Variants in CAPRIN2 observed in about 807,000 individuals in gnomAD.
The protein encoded by CAPRIN2 is caprin family member 2.
A neutral mutation model predicts 130.4 loss-of-function variants in CAPRIN2; 66 were observed. The observed-to-expected ratio is 0.51, with a 90% CI of 0.42 to 0.62. CAPRIN2 has a LOEUF of 0.62. CAPRIN2 is among the 20% of genes least tolerant of loss of function. The pLI is 0.00. For missense variants in CAPRIN2, 1,185 were observed against 1,246.6 expected (o/e 0.95, Z 0.74); for synonymous variants, 471 against 444.1 (o/e 1.06, Z -0.76).
exon 2 of CAPRIN2, chr12:30,751,105 A>G: frequency 1.2e-6 from 2 of 1,613,940 alleles, no homozygotes; most frequent in East Asian, 4.5e-5. Context: ...TCCACTTTTC[A>G]GGCGATCCTT....
rs373918121 is a variant in CAPRIN2 at position 30,746,962 on chromosome 12, A to AT, written c.483+4108dup. On this transcript the variant is annotated intron_variant, in intron 2 of 16. Coordinates refer to ENST00000298892, the Ensembl canonical transcript of CAPRIN2. ...GAAGAAAGTGCCATCTAGGACTTCC[A>AT]TAACTAGAGATGAGAAGTCAATGCC... 1.9e-3 allele frequency among the ~76,000 whole-genome samples: 296 copies of AT among 152,340 alleles called. 1 individual carries two copies. The highest frequency in any genetic ancestry group is 6.7e-3 in the African/African-American group (279 of 41,566).
chr12:30,714,963 A>G (rs2056943882), exon 14 of CAPRIN2: 1 of 1,612,916 alleles, frequency 6.2e-7, no homozygotes, highest in African/African-American at 1.3e-5. Flanking sequence ...GCATACCTTT[A>G]TAACCACCAG....
At chr12:30,749,001 G>A (rs576283570) in intron 2 of CAPRIN2, among the ~76,000 whole-genome samples, 2 of 152,270 alleles carry the variant, frequency 1.3e-5, no homozygotes, top group Admixed American at 6.5e-5. Context: ...GCAAGGAAAG[G>A]AGCTAAGCAG....
intron 6 of CAPRIN2, 46 bp downstream of exon 7, chr12:30,731,297 T>C (rs771812682): frequency 1.3e-6 from 2 of 1,526,204 alleles, no homozygotes; most frequent in Admixed American, 1.8e-5. Flanking sequence ...ATTTGGGGTA[T>C]TAAAAAATGC....
chr12:30,734,900 AT>A, intron 4 of CAPRIN2, 67 bp downstream of exon 5: 3 of 978,076 alleles, frequency 3.1e-6, no homozygotes, highest in Non-Finnish European at 4.9e-6. Flanking sequence ...TCTCTCTCAC[AT>A]ACACACACCC....
chr12:30,750,955 A>C, intron 2 of CAPRIN2, 116 bp downstream of exon 3: 1 of 781,244 alleles, frequency 1.3e-6, no homozygotes, highest in African/African-American at 1.7e-5. Context: ...TTTTGAACAA[A>C]CTATGGATTT....
intron 15 of CAPRIN2, 121 bp from the exon 18 acceptor site, chr12:30,711,750 C>G (rs2054774163): frequency 1.3e-6 from 1 of 791,886 alleles, no homozygotes; most frequent in Admixed American, 1.9e-5. Context: ...TGGCCTTCCC[C>G]AGCAACCAAA....
At chr12:30,736,488 T>C (rs1221450318) in intron 3 of CAPRIN2, among the ~76,000 whole-genome samples, 1 of 152,076 alleles carries the variant, frequency 6.6e-6, no homozygotes, top group Non-Finnish European at 1.5e-5. Flanking sequence ...AAAGAGATGT[T>C]CGTAAATCCT....
In CAPRIN2 at chr12:30,710,609, T is replaced by G; in HGVS notation, c.2666-139A>C. On this transcript the variant is annotated intron_variant, in intron 16 of 16. Transcript: ENST00000298892. This position sits in a 1 kb window ranked among gnomAD's most constrained non-coding sequence, Gnocchi z 4.8. The stretch of plus-strand genomic sequence containing the variant: ...AAACAAAAGCAATATATAGCTAGAT[T>G]ATACTTTTCTAGATTTTTCTGGTAA... 7.7e-7 allele frequency: 1 copy of G among 1,305,636 alleles called. No homozygotes were observed. Among genetic ancestry groups the G allele is most frequent in the Non-Finnish European group, 1.0e-6 (1 of 974,216 alleles). The allele number at this position is 1,305,636 out of a possible 1,614,324, so 80.9% of individuals were successfully genotyped here. A position where few individuals can be genotyped will look rare whatever the true frequency, so the allele number is the denominator to read the frequency against.
intron 2 of CAPRIN2, among the ~76,000 whole-genome samples, chr12:30,748,152 A>C (rs1341126246): frequency 6.6e-6 from 1 of 152,250 alleles, no homozygotes; most frequent in Non-Finnish European, 1.5e-5. Flanking sequence ...TAGTTGATAA[A>C]GCAGCAGCAG....
At chr12:30,735,108 T>C (rs2064151269) in exon 4 of CAPRIN2, 14 of 1,613,884 alleles carry the variant, frequency 8.7e-6, no homozygotes, top group Middle Eastern at 1.6e-4. Context: ...AGTTCTGCAA[T>C]ACATACTGAA....
At chr12:30,721,051 G>GC in intron 11 of CAPRIN2, 136 bp from the exon 13 acceptor site, 1 of 619,332 alleles carries the variant, frequency 1.6e-6, no homozygotes, top group South Asian at 2.0e-5. Context: ...CACTTTATAC[G>GC]TGTTAATATA....
At chr12:30,751,920 T>G (rs1372223598) in intron 1 of CAPRIN2, among the ~76,000 whole-genome samples, 3 of 144,046 alleles carry the variant, frequency 2.1e-5, no homozygotes, top group Admixed American at 2.1e-4. Flanking sequence ...TTTTTTTTTT[T>G]TTTTTTTTTT....
upstream of CAPRIN2, chr12:30,754,898 G>C (rs892329060): frequency 6.6e-6 from 1 of 152,206 alleles, no homozygotes; most frequent in Middle Eastern, 3.4e-3. Flanking sequence ...CCCGGTCCTC[G>C]CCCGCGGCCT....
At chr12:30,726,794 C>T (rs911448059) in intron 8 of CAPRIN2, among the ~76,000 whole-genome samples, 5 of 152,128 alleles carry the variant, frequency 3.3e-5, no homozygotes, top group East Asian at 1.9e-4. Flanking sequence ...TAAGTGAGTA[C>T]ATATGGGACT....
intron 13 of CAPRIN2, chr12:30,715,380 A>T (rs1022940495): frequency 4.5e-5 from 27 of 599,734 alleles, no homozygotes; most frequent in Non-Finnish European, 8.0e-5. Flanking sequence ...AACATGAATG[A>T]ACCCTTAAGA....
At chr12:30,714,422 ATCC>A (rs1189444415) in intron 14 of CAPRIN2, among the ~76,000 whole-genome samples, 2 of 152,090 alleles carry the variant, frequency 1.3e-5, no homozygotes, top group African/African-American at 2.4e-5. Flanking sequence ...GGCCTCAATG[ATCC>A]TCCTATTTTG....
intron 14 of CAPRIN2, among the ~76,000 whole-genome samples, chr12:30,714,661 CAG>C (rs1262647988): frequency 2.0e-5 from 3 of 152,098 alleles, no homozygotes; most frequent in Admixed American, 2.0e-4. Flanking sequence ...ACACTTTTAG[CAG>C]AGTTAAGTCA....
At chr12:30,741,215 T>C (rs2067298620) in intron 2 of CAPRIN2, 109 bp from the exon 4 acceptor site, 1 of 532,232 alleles carries the variant, frequency 1.9e-6, no homozygotes, top group Non-Finnish European at 3.2e-6. Flanking sequence ...TATGGCTATT[T>C]ACTATACATA....
Sources: gnomAD v4.1 joint callset for allele counts (sites outside exome capture counted in the v4.1 genomes callset) on GRCh38, gnomAD v4.1.1 for gene constraint, Gnocchi (gnomAD v3.1) non-coding constraint, MANE v1.5 for transcripts, NCBI Gene and HGNC (gene_info 2026-07-23, HGNC 2026-07-21) for gene names.